The following MKLN1 variants were observed in gnomAD, a reference collection of about 807,000 sequenced individuals.
MKLN1 encodes the protein muskelin 1.
MKLN1 carries 18 observed loss-of-function variants against 99.0 expected under a neutral mutation model. The ratio of observed to expected loss-of-function variants is 0.18; its 90% confidence interval spans 0.13 to 0.27. The LOEUF (loss-of-function observed/expected upper bound fraction) is 0.27. Among genes scored for constraint, MKLN1 ranks in the 10% least tolerant of loss-of-function variants. The pLI is 1.00. For missense variants in MKLN1, 621 were observed against 875.9 expected (o/e 0.71, Z 3.67); for synonymous variants, 288 against 293.2 (o/e 0.98, Z 0.18).
upstream of MKLN1, among the ~76,000 whole-genome samples, chr7:131,325,508 C>T (rs1227692950): frequency 6.6e-6 from 1 of 152,080 alleles, no homozygotes; most frequent in Non-Finnish European, 1.5e-5. Flanking sequence ...CCAGCCTGGG[C>T]AACAGAGTGA....
At chr7:131,317,521 G>A (rs1263100931) in intron 3 of MKLN1, among the ~76,000 whole-genome samples, 1 of 152,038 alleles carries the variant, frequency 6.6e-6, no homozygotes, top group East Asian at 1.9e-4. Context: ...ATAAAGACCA[G>A]TGACACTATG....
chr7:131,438,074 T>C (rs1795725586), intron 10 of MKLN1, 77 bp downstream of exon 10: 2 of 1,116,734 alleles, frequency 1.8e-6, no homozygotes, highest in Admixed American at 3.5e-5. Context: ...ATGTTAGATG[T>C]TATGCTGAGT....
chr7:131,190,443 C>T (rs1563246433), intron 2 of MKLN1, among the ~76,000 whole-genome samples: 1 of 147,790 alleles, frequency 6.8e-6, no homozygotes, highest in Non-Finnish European at 1.5e-5. Context: ...AATTTCCATT[C>T]TTTGCTTGCA....
intron 8 of MKLN1, among the ~76,000 whole-genome samples, chr7:131,421,229 A>G (rs765210690): frequency 2.6e-5 from 4 of 152,252 alleles, no homozygotes; most frequent in Non-Finnish European, 2.9e-5. Flanking sequence ...CTGTGTTTCT[A>G]TTATGACTAT....
At chr7:131,336,346 G>A (rs1799250494) in intron 1 of MKLN1, among the ~76,000 whole-genome samples, 1 of 151,824 alleles carries the variant, frequency 6.6e-6, no homozygotes, top group African/African-American at 2.4e-5. Flanking sequence ...TTTGGGGTCT[G>A]TTTCTTGTTA....
intron 2 of MKLN1, among the ~76,000 whole-genome samples, chr7:131,375,877 C>T (rs1264989539): frequency 1.3e-5 from 2 of 149,480 alleles, no homozygotes; most frequent in African/African-American, 4.9e-5. Context: ...ATTTAAATGG[C>T]ATCAGGACCA....
In MKLN1 at chr7:131,495,131, A is replaced by G. The variant is rs1196005219; in HGVS notation, c.*7403A>G. ...CATATTTCTAAACAGTTTGGGAAAG[A>G]TGTTAGAATTTTTTAAAAGTCAGCT... On this transcript the variant is annotated 3_prime_UTR_variant, in exon 18 of 18. Transcript: ENST00000352689. The G allele has an allele frequency of 6.6e-6, 1 of 152,176 alleles. No individual in the cohort carries two copies. Among genetic ancestry groups the G allele is most frequent in the Non-Finnish European group, 1.5e-5 (1 of 68,032 alleles). 9.4% of individuals were successfully genotyped at this position (152,176 alleles called of 1,614,324 possible).
At chr7:131,134,883 T>C (rs1795624328) in intron 1 of MKLN1, among the ~76,000 whole-genome samples, 1 of 152,224 alleles carries the variant, frequency 6.6e-6, no homozygotes, top group Admixed American at 6.5e-5. Flanking sequence ...AGTTACTGTC[T>C]TCAGTATCAA....
chr7:131,346,239 T>G (rs1799555673), intron 1 of MKLN1, among the ~76,000 whole-genome samples: 1 of 152,102 alleles, frequency 6.6e-6, no homozygotes, highest in Non-Finnish European at 1.5e-5. Flanking sequence ...TTAACAATAT[T>G]AGGGCGGGTG....
chr7:131,273,407 T>C (rs928301191), intron 3 of MKLN1, among the ~76,000 whole-genome samples: 2 of 152,168 alleles, frequency 1.3e-5, no homozygotes, highest in African/African-American at 4.8e-5. Context: ...TAGTGGCCTG[T>C]GGGGTGCCCC....
chr7:131,399,581 G>A, intron 6 of MKLN1, 148 bp downstream of exon 6: 4 of 650,410 alleles, frequency 6.1e-6, no homozygotes, highest in African/African-American at 3.7e-5. Context: ...TTTGGATTAG[G>A]GACTTCTTTC....
At chr7:131,145,671 A>G (rs772017378) in intron 2 of MKLN1, among the ~76,000 whole-genome samples, 16 of 152,364 alleles carry the variant, frequency 1.1e-4, no homozygotes, top group Non-Finnish European at 1.9e-4. Flanking sequence ...ATATGTAGCT[A>G]CCTTTCAAAG....
intron 12 of MKLN1, among the ~76,000 whole-genome samples, chr7:131,450,187 C>T (rs1239680133): frequency 4.6e-5 from 7 of 152,170 alleles, no homozygotes; most frequent in South Asian, 2.1e-4. Context: ...ACCCATTCTC[C>T]ACACTGCAAG....
Position 131,200,502 on chromosome 7 carries a change from C to G in MKLN1, c.-296-2355C>G, listed in dbSNP as rs573835780. Among the ~76,000 whole-genome samples the G allele has an allele frequency of 3.3e-5, 5 of 152,312 alleles. No individual in the cohort carries two copies. The East Asian group carries it at 9.6e-4, about 29-fold the overall frequency. ...TTTAAAATGTGTATGGTAGCTCCCC[C>G]TTACTTGCATTTGACTAATGCTAAT... is the stretch of plus-strand genomic sequence containing the variant. On this transcript the variant is annotated intron_variant, in intron 2 of 7. Coordinates refer to the MKLN1 transcript ENST00000416992.
intron 13 of MKLN1, 98 bp from the exon 14 acceptor site, chr7:131,464,194 ATT>A: frequency 1.7e-6 from 1 of 590,042 alleles, no homozygotes; most frequent in South Asian, 2.9e-5. Context: ...CATTTCTAAA[ATT>A]TTTTGTTAGT....
In MKLN1 at chr7:131,400,518, A is replaced by AAAATATATATAT. The variant is rs527702723; in HGVS notation, c.703+1086_703+1087insAATATATATATA. Reference sequence around the variant, plus strand: ...TTTAAAATGCTACCAATAAAAAAAAAATATATATATATATATATATATGCC... The same window carrying AAAATATATATAT: ...TTTAAAATGCTACCAATAAAAAAAAAAAATATATATATATATATATATATATATATATATGCC... On this transcript the variant is annotated intron_variant, in intron 6 of 17. Transcript: ENST00000352689. 2.9e-5 allele frequency among the ~76,000 whole-genome samples: 4 copies of AAAATATATATAT among 137,426 alleles called. No homozygotes were observed. The South Asian group carries it at 6.8e-4, about 23-fold the overall frequency. 90.2% of individuals were successfully genotyped at this position (137,426 alleles called of 152,430 possible). A position where few individuals can be genotyped will look rare whatever the true frequency, so the allele number is the denominator to read the frequency against.
chr7:131,154,780 A>G (rs748751787), intron 2 of MKLN1, among the ~76,000 whole-genome samples: 4 of 152,156 alleles, frequency 2.6e-5, no homozygotes, highest in Non-Finnish European at 5.9e-5. Context: ...ACACTTATAT[A>G]TAATAAGTGT....
At chr7:131,478,240 A>G (rs1797019278) in intron 16 of MKLN1, among the ~76,000 whole-genome samples, 1 of 152,248 alleles carries the variant, frequency 6.6e-6, no homozygotes, top group East Asian at 1.9e-4. Context: ...TGAGATGAGA[A>G]TGCATATATG....
At chr7:131,433,776 A>G (rs1211102520) in intron 9 of MKLN1, among the ~76,000 whole-genome samples, 2 of 152,176 alleles carry the variant, frequency 1.3e-5, no homozygotes, top group Non-Finnish European at 2.9e-5. Flanking sequence ...GGTAATATAT[A>G]AATTTTAGAA....
Sources: allele counts gnomAD v4.1 joint callset (sites outside exome capture counted in the v4.1 genomes callset), GRCh38; gene constraint gnomAD v4.1.1; transcripts MANE v1.5; gene names NCBI Gene and HGNC (gene_info 2026-07-23, HGNC 2026-07-21).